Variants in MACF1 observed in about 807,000 individuals in gnomAD.
MACF1 encodes the protein microtubule actin crosslinking factor 1, also known as microtubule-actin cross-linking factor 1.
Under a neutral mutation model 854.8 loss-of-function variants are expected in MACF1, and 193 were observed. That is an observed-to-expected ratio of 0.23 (90% confidence interval 0.20 to 0.25). The LOEUF (loss-of-function observed/expected upper bound fraction) is 0.25, where lower values mean the gene tolerates loss of function less well. Ranked by LOEUF, MACF1 falls within the 10% of genes least tolerant of loss-of-function variation. The pLI is 1.00. For synonymous variants in MACF1, 3,185 were observed against 3,226.7 expected (o/e 0.99, Z 0.44); for missense variants, 7,722 against 8,929.1 (o/e 0.86, Z 5.45).
chr1:39,415,220 C>A (rs77157953), intron 58 of MACF1, among the ~76,000 whole-genome samples: 4,796 of 152,198 alleles, frequency 0.032, 119 homozygotes, highest in Middle Eastern at 0.082. Flanking sequence ...GTCAAACTGC[C>A]TTTGTGTCCT....
chr1:39,253,509 ATTTTTT>A (rs34578005), intron 4 of MACF1, among the ~76,000 whole-genome samples: 1 of 91,528 alleles, frequency 1.1e-5, no homozygotes, highest in South Asian at 3.7e-4. Flanking sequence ...AGCTATCTGT[ATTTTTT>A]TTTTTTTTTT....
chr1:39,461,791 CAAAAAA>C (rs59393084), intron 92 of MACF1, 86 bp from the exon 93 acceptor site: 1,606 of 349,664 alleles, frequency 4.6e-3, no homozygotes, highest in South Asian at 6.7e-3. Flanking sequence ...GACCTTGTCT[CAAAAAA>C]AAAAAAAAAA....
intron 6 of MACF1, among the ~76,000 whole-genome samples, chr1:39,261,538 A>T (rs1645163593): frequency 6.6e-6 from 1 of 152,188 alleles, no homozygotes; most frequent in Non-Finnish European, 1.5e-5. Context: ...TGGACATTTC[A>T]TATAAATGGA....
chr1:39,415,506 TTG>T (rs1643262635), intron 58 of MACF1, among the ~76,000 whole-genome samples: 1 of 148,364 alleles, frequency 6.7e-6, no homozygotes, highest in South Asian at 2.1e-4. Context: ...CGGCAATTTT[TTG>T]TATATATATA....
chr1:39,134,356 T>C (rs1643106468), intron 2 of MACF1, among the ~76,000 whole-genome samples: 1 of 152,080 alleles, frequency 6.6e-6, no homozygotes, highest in Non-Finnish European at 1.5e-5. Flanking sequence ...AGAAGAACAG[T>C]CTTAACAAGA....
At position 39,105,692 on chromosome 1, in the gene MACF1, C is replaced by T. The variant is rs1166037423; in HGVS notation, c.220+21254C>T. On this transcript the variant is annotated intron_variant, in intron 2 of 93. Transcript: ENST00000361689. The surrounding 1 kb of genome is among the most constrained non-coding windows in gnomAD (Gnocchi z 5.9). ...AGGAGAAGGAGTTCGTGCAGGCGTA[C>T]GAGGATGTGCTGGAGCGGTACAAAG... is the stretch of plus-strand genomic sequence containing the variant. 3 of 1,231,066 alleles carry T rather than the reference C, an allele frequency of 2.4e-6. No individual in the cohort carries two copies. Among genetic ancestry groups the T allele is most frequent in the Non-Finnish European group, 3.1e-6 (3 of 959,552 alleles). The allele number at this position is 1,231,066 out of a possible 1,614,324, so 76.3% of individuals were successfully genotyped here.
chr1:39,092,347 G>A (rs892559580), intron 2 of MACF1, among the ~76,000 whole-genome samples: 3 of 152,144 alleles, frequency 2.0e-5, no homozygotes, highest in African/African-American at 4.8e-5. Flanking sequence ...GGGTTCCTCC[G>A]GTGAATAATA....
At chr1:39,181,225 T>C (rs1644100869) in intron 2 of MACF1, among the ~76,000 whole-genome samples, 1 of 152,224 alleles carries the variant, frequency 6.6e-6, no homozygotes, top group South Asian at 2.1e-4. Flanking sequence ...AGTATCTTTT[T>C]AGCATATTAC....
In MACF1 at chr1:39,189,481, C is replaced by T. The variant is rs552999289; in HGVS notation, c.221-41701C>T. 2.0e-5 allele frequency among the ~76,000 whole-genome samples: 3 copies of T among 152,294 alleles called. No individual in the cohort carries two copies. The East Asian group carries it at 5.8e-4, about 29-fold the overall frequency. On this transcript the variant is annotated intron_variant, in intron 2 of 93. Transcript: ENST00000361689. ...CCCAAAGTTGGCAGAAGTTAATCTTCCCAATTTACTTACCTCTCTCTGAGC... is the reference window on the plus strand; with the variant it reads ...CCCAAAGTTGGCAGAAGTTAATCTTTCCAATTTACTTACCTCTCTCTGAGC...
intron 49 of MACF1, among the ~76,000 whole-genome samples, chr1:39,362,233 C>G (rs1005440568): frequency 2.6e-5 from 4 of 152,230 alleles, no homozygotes; most frequent in African/African-American, 9.6e-5. Flanking sequence ...CCAATTTGAG[C>G]TCCAGAATGG....
At chr1:39,243,950 C>T (rs979387444) in intron 2 of MACF1, among the ~76,000 whole-genome samples, 1 of 151,898 alleles carries the variant, frequency 6.6e-6, no homozygotes, top group East Asian at 1.9e-4. Context: ...CTTTACTCTT[C>T]TTTAGGTAGA....
At chr1:39,280,591 T>G (rs977614196) in intron 6 of MACF1, among the ~76,000 whole-genome samples, 2 of 152,092 alleles carry the variant, frequency 1.3e-5, no homozygotes. Flanking sequence ...TATTTTTATG[T>G]TTTTGAGACA....
chr1:39,486,239 T>C lies in MACF1; in HGVS notation c.*445T>C, dbSNP rs1645099471. Reference sequence around the variant, plus strand: ...AATCCTGCAGTGTTTAAGGAACTCTTTTTTTGTAAATCACGGACACCTCAA... The same window carrying C: ...AATCCTGCAGTGTTTAAGGAACTCTCTTTTTGTAAATCACGGACACCTCAA... On this transcript the variant is annotated 3_prime_UTR_variant, in exon 101 of 101. Transcript: ENST00000564288. 1 of 152,902 alleles carries C rather than the reference T, an allele frequency of 6.5e-6. No homozygotes were observed. Among genetic ancestry groups the C allele is most frequent in the African/African-American group, 2.4e-5 (1 of 41,476 alleles). The allele number at this position is 152,902 out of a possible 1,614,324, so 9.5% of individuals were successfully genotyped here. A position where few individuals can be genotyped will look rare whatever the true frequency, so the allele number is the denominator to read the frequency against.
chr1:39,194,335 TCTTTTC>T (rs1557510706), intron 2 of MACF1, among the ~76,000 whole-genome samples: 3 of 67,256 alleles, frequency 4.5e-5, no homozygotes, highest in Admixed American at 1.6e-4. Flanking sequence ...TCTTTTCTTT[TCTTTTC>T]TTTTCTTTTC....
intron 55 of MACF1, among the ~76,000 whole-genome samples, chr1:39,381,651 G>A (rs1017720072): frequency 4.0e-5 from 6 of 151,854 alleles, no homozygotes; most frequent in African/African-American, 1.5e-4. Flanking sequence ...GGCAACATAG[G>A]GAGATCCCGT....
At chr1:39,220,295 C>G (rs544450253) in intron 1 of MACF1, among the ~76,000 whole-genome samples, 1 of 151,940 alleles carries the variant, frequency 6.6e-6, no homozygotes, top group East Asian at 1.9e-4. Context: ...ACCTCAGCCT[C>G]CTGAGTAGCT....
intron 2 of MACF1, among the ~76,000 whole-genome samples, chr1:39,160,939 TG>T (rs1181815338): frequency 1.3e-5 from 2 of 152,218 alleles, no homozygotes; most frequent in Non-Finnish European, 2.9e-5. Context: ...AGTTACTGAC[TG>T]TTGCTTTTCT....
chr1:39,475,045 A>G (rs1463436017), intron 97 of MACF1, among the ~76,000 whole-genome samples: 1 of 152,190 alleles, frequency 6.6e-6, no homozygotes, highest in Non-Finnish European at 1.5e-5. Flanking sequence ...GATGGATGCC[A>G]GACCACTGGG....
At chr1:39,381,567 C>A (rs895011671) in intron 55 of MACF1, among the ~76,000 whole-genome samples, 8 of 152,024 alleles carry the variant, frequency 5.3e-5, no homozygotes, top group African/African-American at 1.9e-4. Flanking sequence ...TAGGGTCTTG[C>A]TTTGTTGTCC....
Sources: allele counts gnomAD v4.1 joint callset (sites outside exome capture counted in the v4.1 genomes callset), GRCh38; gene constraint gnomAD v4.1.1; non-coding constraint Gnocchi (gnomAD v3.1); transcripts MANE v1.5; gene names NCBI Gene and HGNC (gene_info 2026-07-23, HGNC 2026-07-21).